Variants in POLD3 observed in about 807,000 individuals in gnomAD.
The protein encoded by POLD3 is DNA polymerase delta 3, accessory subunit.
In POLD3, 19 loss-of-function variants were observed where a neutral mutation model predicts 58.2. That is an observed-to-expected ratio of 0.33 (90% CI 0.23 to 0.48). The LOEUF (loss-of-function observed/expected upper bound fraction) is 0.48. Ranked by LOEUF, POLD3 falls within the 20% of genes least tolerant of loss-of-function variation. The probability of loss-of-function intolerance (pLI) is 0.99; values close to 1 mark genes in which losing one functional copy is unlikely to be tolerated. For synonymous variants in POLD3, 172 were observed against 193.5 expected (o/e 0.89, Z 0.92); for missense variants, 504 against 545.5 (o/e 0.92, Z 0.76).
chr11:74,601,538 G>C (rs1038030852), intron 2 of POLD3, among the ~76,000 whole-genome samples: 4 of 152,198 alleles, frequency 2.6e-5, no homozygotes, highest in Admixed American at 6.5e-5. Flanking sequence ...TGTAATCCTA[G>C]CATTTTGAGA....
intron 4 of POLD3, 77 bp from the exon 5 acceptor site, chr11:74,612,801 A>G (rs189377213): frequency 3.1e-6 from 4 of 1,274,640 alleles, no homozygotes; most frequent in Non-Finnish European, 4.4e-6. Context: ...GCTTTAATGC[A>G]GAAGGGTTTC....
chr11:74,603,364 T>A (rs1331594099), intron 2 of POLD3, among the ~76,000 whole-genome samples: 2 of 152,056 alleles, frequency 1.3e-5, no homozygotes, highest in Non-Finnish European at 2.9e-5. Flanking sequence ...TGGCAACTCA[T>A]TGGATAGGAA....
intron 4 of POLD3, among the ~76,000 whole-genome samples, chr11:74,656,581 C>T (rs964289751): frequency 3.6e-5 from 5 of 139,892 alleles, no homozygotes; most frequent in Non-Finnish European, 6.1e-5. Context: ...AATGAGACTC[C>T]GTCTCAAAAA....
At chr11:74,636,781 A>G (rs960623140) in intron 11 of POLD3, among the ~76,000 whole-genome samples, 3 of 152,184 alleles carry the variant, frequency 2.0e-5, no homozygotes, top group African/African-American at 4.8e-5. Context: ...GTTCTTCAGA[A>G]GGGTATGACT....
chr11:74,628,761 A>G lies in POLD3; in HGVS notation c.900-456A>G. On this transcript the variant is annotated intron_variant, in intron 8 of 11. Coordinates refer to ENST00000263681, the MANE Select transcript of POLD3 (RefSeq NM_006591.3). The stretch of plus-strand genomic sequence containing the variant: ...TATGAATTATATTCCATAACATTTT[A>G]TTTGTCCAGTTAAATCTACCACATT... The G allele has an allele frequency of 1.3e-5, 2 of 152,374 alleles. 1 individual carries two copies. The highest frequency in any genetic ancestry group is 2.9e-5 in the Non-Finnish European group (2 of 68,172). The allele number at this position is 152,374 out of a possible 1,614,324, so 9.4% of individuals were successfully genotyped here.
At position 74,632,963 on chromosome 11, in the gene POLD3, G is replaced by A. The variant is rs188935868; in HGVS notation, c.1007-1620G>A. On this transcript the variant is annotated intron_variant, in intron 9 of 11. Transcript: ENST00000263681. ...ACTCTATGTTTATGCCAGGGAAATC[G>A]TGGTGTCTCTGCCTTTTTGGAGCTT... Among the ~76,000 whole-genome samples, 3 of 147,654 alleles carry A rather than the reference G, an allele frequency of 2.0e-5. No individual in the cohort carries two copies. The East Asian group carries it at 5.9e-4, about 29-fold the overall frequency.
At chr11:74,603,663 A>C (rs1489453385) in intron 2 of POLD3, among the ~76,000 whole-genome samples, 1 of 152,190 alleles carries the variant, frequency 6.6e-6, no homozygotes, top group East Asian at 1.9e-4. Flanking sequence ...GTCTCTTCAG[A>C]AAGTAAAGCA....
intron 11 of POLD3, among the ~76,000 whole-genome samples, chr11:74,637,435 C>CTTT (rs5792663): frequency 3.3e-4 from 38 of 115,428 alleles, no homozygotes; most frequent in South Asian, 8.4e-4. Context: ...CTTTTTCTTC[C>CTTT]TTTTTTTTTT....
chr11:74,621,849 T>TTTTATTTATTTA (rs60400893), intron 7 of POLD3, among the ~76,000 whole-genome samples: 2 of 149,394 alleles, frequency 1.3e-5, no homozygotes, highest in African/African-American at 2.4e-5. Flanking sequence ...CCTCATTTCT[T>TTTTATTTATTTA]TTTATTTATT....
intron 2 of POLD3, among the ~76,000 whole-genome samples, chr11:74,601,204 T>C (rs12574019): frequency 1.3e-5 from 2 of 152,224 alleles, no homozygotes; most frequent in African/African-American, 4.8e-5. Flanking sequence ...TTGGGCATGG[T>C]ACCTGCCTAT....
chr11:74,643,689 G>T (rs551358960), downstream of POLD3, among the ~76,000 whole-genome samples: 1 of 152,318 alleles, frequency 6.6e-6, no homozygotes, highest in South Asian at 2.1e-4. Context: ...ATTCAGAAAT[G>T]AAGTTGGGGC....
intron 4 of POLD3, among the ~76,000 whole-genome samples, chr11:74,656,370 C>T (rs1958080837): frequency 1.3e-5 from 2 of 152,096 alleles, no homozygotes; most frequent in Admixed American, 6.6e-5. Context: ...AGGTGGATCA[C>T]GAGATCAGAA....
intron 11 of POLD3, among the ~76,000 whole-genome samples, chr11:74,637,614 A>G (rs1470220706): frequency 6.6e-6 from 1 of 151,944 alleles, no homozygotes; most frequent in Admixed American, 6.6e-5. Flanking sequence ...TCTGCCCCAA[A>G]AGAAAAAAGT....
At chr11:74,660,367 T>C (rs2033190273) in intron 4 of POLD3, among the ~76,000 whole-genome samples, 1 of 152,230 alleles carries the variant, frequency 6.6e-6, no homozygotes, top group Admixed American at 6.5e-5. Flanking sequence ...TTCTCTGTTA[T>C]TATCCGTTTG....
chr11:74,621,413 C>A (rs1237068634), intron 7 of POLD3, among the ~76,000 whole-genome samples: 1 of 151,098 alleles, frequency 6.6e-6, no homozygotes, highest in African/African-American at 2.4e-5. Flanking sequence ...CCCCCCACCG[C>A]CGCCCACCAC....
intron 6 of POLD3, 100 bp downstream of exon 6, chr11:74,618,904 T>G: frequency 1.0e-6 from 1 of 984,782 alleles, no homozygotes; most frequent in South Asian, 1.7e-5. Flanking sequence ...TATAAGATTC[T>G]GATATTCAGT....
chr11:74,634,479 T>C (rs1591316275), intron 9 of POLD3, 104 bp from the exon 10 acceptor site: 1 of 676,388 alleles, frequency 1.5e-6, no homozygotes, highest in Admixed American at 2.1e-5. Flanking sequence ...TACTGCTTGC[T>C]AAATCCCCTT....
intron 4 of POLD3, among the ~76,000 whole-genome samples, chr11:74,649,240 A>G (rs2033038231): frequency 6.6e-6 from 1 of 152,188 alleles, no homozygotes; most frequent in Admixed American, 6.5e-5. Context: ...ACTAACACCT[A>G]TTCTATGCCA....
At chr11:74,614,664 C>T (rs904651393) in intron 5 of POLD3, among the ~76,000 whole-genome samples, 1 of 151,494 alleles carries the variant, frequency 6.6e-6, no homozygotes, top group East Asian at 1.9e-4. Flanking sequence ...GAGCAGAGAT[C>T]GCTCCACTGC....
Sources: allele counts gnomAD v4.1 joint callset (sites outside exome capture counted in the v4.1 genomes callset), GRCh38; gene constraint gnomAD v4.1.1; transcripts MANE v1.5; gene names NCBI Gene and HGNC (gene_info 2026-07-23, HGNC 2026-07-21).